Variants in KLHL1 observed in about 807,000 individuals in gnomAD.
KLHL1 encodes kelch like family member 1.
KLHL1 carries 47 observed loss-of-function variants against 77.7 expected under a neutral mutation model. The observed-to-expected ratio is 0.60, with a 90% CI of 0.48 to 0.77. The LOEUF (loss-of-function observed/expected upper bound fraction) is 0.77, where lower values mean the gene tolerates loss of function less well. Among genes scored for constraint, KLHL1 ranks in the 30% least tolerant of loss-of-function variants. KLHL1 has a pLI of 0.00. For synonymous variants in KLHL1, 360 were observed against 325.2 expected, an observed-to-expected ratio of 1.11 and a Z score of -1.15; for missense variants, 925 against 910.8, an observed-to-expected ratio of 1.02 and a Z score of -0.20.
In KLHL1 at chr13:70,000,613, A is replaced by G. The variant is rs910087269; in HGVS notation, c.498-24811T>C. Among the ~76,000 whole-genome samples, 5 of 151,978 alleles carry G rather than the reference A, an allele frequency of 3.3e-5. No individual in the cohort carries two copies. In the South Asian group the frequency reaches 1.0e-3, roughly 31 times the overall value. The stretch of plus-strand genomic sequence containing the variant: ...ACATGAAATACATTCTCTGACCACA[A>G]TGCAAAATCACTGGAAATTAAGAAT... On this transcript the variant is annotated intron_variant, in intron 1 of 10. Transcript: ENST00000377844.
At chr13:69,803,695 A>C (rs1429150054) in intron 6 of KLHL1, among the ~76,000 whole-genome samples, 2 of 152,184 alleles carry the variant, frequency 1.3e-5, no homozygotes, top group African/African-American at 4.8e-5. Context: ...TAGTGGTAGA[A>C]GGGAAAATCA....
Position 69,975,757 on chromosome 13 carries a change from G to A in KLHL1, c.543C>T (p.Asp181=). Reference sequence around the variant, plus strand: ...GATAGAATTCTTCAGAGCTACTGGAGTCCAAATCACTTTGAGGTGTCATTG... The same window carrying A: ...GATAGAATTCTTCAGAGCTACTGGAATCCAAATCACTTTGAGGTGTCATTG... The part of the protein sequence containing the change: ...GHSMTPQSDL[D]SSSSEEFYQA... The change falls in exon 2 of 11, where the codon GAC becomes GAT. Residue 181 remains aspartate (D), a synonymous_variant. Transcript: ENST00000377844. 2 of 1,612,656 alleles carry A rather than the reference G, an allele frequency of 1.2e-6. No individual in the cohort carries two copies. The highest frequency in any genetic ancestry group is 2.2e-5 in the East Asian group (1 of 44,746).
At chr13:69,786,289 C>T (rs1297025963) in intron 7 of KLHL1, among the ~76,000 whole-genome samples, 1 of 152,164 alleles carries the variant, frequency 6.6e-6, no homozygotes, top group East Asian at 1.9e-4. Context: ...TCCAGCAGCA[C>T]ATCAAAAGCT....
intron 1 of KLHL1, among the ~76,000 whole-genome samples, chr13:70,007,840 C>T (rs960457295): frequency 3.9e-5 from 6 of 151,926 alleles, no homozygotes; most frequent in African/African-American, 1.4e-4. Context: ...AATATTTTCT[C>T]AGTGAGAGTA....
chr13:69,856,756 ATAAT>A (rs1323106047), intron 5 of KLHL1, among the ~76,000 whole-genome samples: 11 of 152,084 alleles, frequency 7.2e-5, no homozygotes, highest in African/African-American at 2.4e-4. Context: ...AACTACAATG[ATAAT>A]TAATTAATTC....
At chr13:70,076,412 G>A (rs1887268543) in intron 1 of KLHL1, among the ~76,000 whole-genome samples, 1 of 142,328 alleles carries the variant, frequency 7.0e-6, no homozygotes, top group Non-Finnish European at 1.5e-5. Flanking sequence ...AATGGTTTTG[G>A]ATCAACTGGA....
intron 1 of KLHL1, among the ~76,000 whole-genome samples, chr13:69,989,053 G>GT (rs1372083854): frequency 1.3e-5 from 2 of 151,974 alleles, no homozygotes; most frequent in Non-Finnish European, 2.9e-5. Context: ...GTTCAAAATA[G>GT]TATTTTCTAG....
chr13:69,989,022 G>T (rs905145348), intron 1 of KLHL1, among the ~76,000 whole-genome samples: 16 of 152,054 alleles, frequency 1.1e-4, no homozygotes, highest in African/African-American at 3.6e-4. Flanking sequence ...TTTTAACGAT[G>T]AAATCTTTGA....
At chr13:69,926,730 G>A (rs1051815362) in intron 4 of KLHL1, among the ~76,000 whole-genome samples, 6 of 151,676 alleles carry the variant, frequency 4.0e-5, no homozygotes, top group Non-Finnish European at 7.4e-5. Context: ...GGTGGATCAC[G>A]AGGCCAGGAG....
intron 1 of KLHL1, among the ~76,000 whole-genome samples, chr13:70,103,319 C>A (rs1887969742): frequency 6.6e-6 from 1 of 152,102 alleles, no homozygotes; most frequent in African/African-American, 2.4e-5. Flanking sequence ...ACATAGCAGA[C>A]AAAGGACAGA....
chr13:69,778,234 A>C (rs1875934840), intron 7 of KLHL1, among the ~76,000 whole-genome samples: 2 of 152,200 alleles, frequency 1.3e-5, no homozygotes, highest in African/African-American at 4.8e-5. Flanking sequence ...TTAGTTATAT[A>C]ATCTACGATG....
At chr13:69,755,079 T>C (rs1874648222) in intron 7 of KLHL1, among the ~76,000 whole-genome samples, 2 of 152,058 alleles carry the variant, frequency 1.3e-5, no homozygotes, top group Non-Finnish European at 2.9e-5. Context: ...TGATTCCCAA[T>C]GTTGGAGGTG....
At chr13:69,882,193 T>C in intron 5 of KLHL1, 90 bp downstream of exon 5, 1 of 853,526 alleles carries the variant, frequency 1.2e-6, no homozygotes, top group East Asian at 2.4e-5. Context: ...AAAATGTGAA[T>C]ACCTAATTAA....
chr13:69,874,438 C>T (rs1266604944), intron 5 of KLHL1, among the ~76,000 whole-genome samples: 1 of 152,132 alleles, frequency 6.6e-6, no homozygotes, highest in South Asian at 2.1e-4. Context: ...TACTCAATAT[C>T]TCCACTTAAA....
intron 6 of KLHL1, 35 bp downstream of exon 6, chr13:69,838,941 A>G (rs919780160): frequency 2.1e-6 from 3 of 1,431,198 alleles, no homozygotes; most frequent in Non-Finnish European, 2.9e-6. Flanking sequence ...GGTATAACAC[A>G]GGATGTATAG....
chr13:70,094,434 T>C (rs1026174351), intron 1 of KLHL1, among the ~76,000 whole-genome samples: 1 of 150,332 alleles, frequency 6.7e-6, no homozygotes, highest in African/African-American at 2.5e-5. Context: ...CAATCATTGA[T>C]GACTGGATTG....
intron 5 of KLHL1, among the ~76,000 whole-genome samples, chr13:69,846,683 T>G (rs1991073): frequency 0.93 from 141,356 of 151,268 alleles, 66,275 homozygotes; most frequent in East Asian, 0.99. Flanking sequence ...AATTTGTTAC[T>G]ATAATACACC....
intron 8 of KLHL1, among the ~76,000 whole-genome samples, chr13:69,725,676 G>T (rs559830832): frequency 6.2e-4 from 94 of 152,236 alleles, no homozygotes; most frequent in African/African-American, 2.2e-3. Context: ...AGAGGATTTT[G>T]CAATAGACAT....
chr13:70,036,933 T>A (rs555016929), intron 1 of KLHL1, among the ~76,000 whole-genome samples: 1 of 151,454 alleles, frequency 6.6e-6, no homozygotes, highest in East Asian at 1.9e-4. Flanking sequence ...TTTGTAATTA[T>A]GTTAACAAAT....
Sources: gnomAD v4.1 joint callset for allele counts (sites outside exome capture counted in the v4.1 genomes callset) on GRCh38, gnomAD v4.1.1 for gene constraint, MANE v1.5 for transcripts, NCBI Gene and HGNC (gene_info 2026-07-23, HGNC 2026-07-21) for gene names.